PPP2R2B: variants seen among roughly 807,000 people sequenced by gnomAD.
PPP2R2B encodes protein phosphatase 2 regulatory subunit Bbeta.
In PPP2R2B, 5 loss-of-function variants were observed where a neutral mutation model predicts 46.0. The observed-to-expected ratio is 0.11, with a 90% CI of 0.06 to 0.23. PPP2R2B has a LOEUF of 0.23. Among genes scored for constraint, PPP2R2B ranks in the 10% least tolerant of loss-of-function variants. PPP2R2B has a pLI of 1.00. For synonymous variants in PPP2R2B, 215 were observed against 206.7 expected, an observed-to-expected ratio of 1.04 and a Z score of -0.34; for missense variants, 367 against 575.0, an observed-to-expected ratio of 0.64 and a Z score of 3.70.
At chr5:146,794,200 T>C (rs982227844) in intron 2 of PPP2R2B, among the ~76,000 whole-genome samples, 2 of 152,084 alleles carry the variant, frequency 1.3e-5, no homozygotes, top group Non-Finnish European at 2.9e-5. Flanking sequence ...CTTGAAAAAA[T>C]AGTTTGATAC....
chr5:146,922,788 T>TA (rs1763651853), intron 1 of PPP2R2B, among the ~76,000 whole-genome samples: 1 of 152,208 alleles, frequency 6.6e-6, no homozygotes, highest in African/African-American at 2.4e-5. Flanking sequence ...AGTGATCAGT[T>TA]AAAATCAGAA....
Position 147,078,322 on chromosome 5 carries a change from A to T in PPP2R2B, c.50+2737T>A, listed in dbSNP as rs534907764. 3.3e-5 allele frequency among the ~76,000 whole-genome samples: 5 copies of T among 152,262 alleles called. No homozygotes were observed. In the East Asian group the frequency reaches 5.8e-4, roughly 18 times the overall value. On this transcript the variant is annotated intron_variant, in intron 2 of 10. Coordinates refer to the PPP2R2B transcript ENST00000394413. ...AAATAATAAACCTGCAACTGGTAAG[A>T]CCTATAGTTAGAGCAGACACTAGAA...
chr5:146,990,915 G>A (rs930837647), intron 1 of PPP2R2B, among the ~76,000 whole-genome samples: 2 of 151,984 alleles, frequency 1.3e-5, no homozygotes, highest in Non-Finnish European at 2.9e-5. Flanking sequence ...CAAAAAACAT[G>A]AATAGACATT....
chr5:147,060,353 G>A (rs1236026048), upstream of PPP2R2B, among the ~76,000 whole-genome samples: 3 of 152,204 alleles, frequency 2.0e-5, no homozygotes, highest in African/African-American at 7.2e-5. Flanking sequence ...TCAGCCAGGT[G>A]TGGTGGCTCA....
At chr5:146,938,413 C>T (rs762884184) in intron 1 of PPP2R2B, among the ~76,000 whole-genome samples, 5 of 148,924 alleles carry the variant, frequency 3.4e-5, no homozygotes, top group Non-Finnish European at 5.9e-5. Flanking sequence ...GCAATTTGCC[C>T]AACAACCTAA....
At chr5:146,902,955 G>A (rs79114407) in intron 1 of PPP2R2B, among the ~76,000 whole-genome samples, 2,772 of 152,198 alleles carry the variant, frequency 0.018, 74 homozygotes, top group African/African-American at 0.06. Context: ...TTCATAATAC[G>A]AAGATGTTAT....
At chr5:146,671,426 T>G (rs3096088) in intron 5 of PPP2R2B, among the ~76,000 whole-genome samples, 143,286 of 152,226 alleles carry the variant, frequency 0.94, 67,797 homozygotes, top group East Asian at 1. Flanking sequence ...GGGATTCCTG[T>G]CTGGACACTG....
rs78329216 is a variant in PPP2R2B at position 147,033,851 on chromosome 5, G to A, written c.79+21814C>T. Among the ~76,000 whole-genome samples, 998 of 151,916 alleles carry A rather than the reference G, an allele frequency of 6.6e-3. 11 individuals carry two copies. Among genetic ancestry groups the A allele is most frequent in the African/African-American group, 0.023 (951 of 41,422 alleles). On this transcript the variant is annotated intron_variant, in intron 1 of 8. Coordinates refer to the PPP2R2B transcript ENST00000336640. ...AAGCCTCTGTCCTTTCTTGTCCACTGTGATAGCCTCTTATTGGTATTCTTG... is the reference window on the plus strand; with the variant it reads ...AAGCCTCTGTCCTTTCTTGTCCACTATGATAGCCTCTTATTGGTATTCTTG...
chr5:146,808,962 T>G (rs1165909866), intron 2 of PPP2R2B, among the ~76,000 whole-genome samples: 1 of 53,176 alleles, frequency 1.9e-5, no homozygotes, highest in African/African-American at 6.5e-5. Flanking sequence ...AACACTGGTG[T>G]GTGTGTGTGT....
intron 2 of PPP2R2B, among the ~76,000 whole-genome samples, chr5:146,728,579 T>C (rs1340130413): frequency 2.0e-5 from 3 of 152,128 alleles, no homozygotes; most frequent in Admixed American, 1.3e-4. Context: ...GGAAGTGATA[T>C]GGTTTGGCTG....
intron 2 of PPP2R2B, chr5:146,707,131 A>G (rs570805673): frequency 1.3e-6 from 2 of 1,597,120 alleles, no homozygotes; most frequent in Non-Finnish European, 1.7e-6. Context: ...CTCCGCCTCC[A>G]GCTTCAGCTT....
At chr5:146,720,197 C>T (rs6864506) in intron 2 of PPP2R2B, among the ~76,000 whole-genome samples, 2 of 152,176 alleles carry the variant, frequency 1.3e-5, no homozygotes, top group Non-Finnish European at 2.9e-5. Flanking sequence ...ATCCACACAA[C>T]GTTAGGTCAT....
At chr5:146,969,907 G>A (rs1209383129) in intron 1 of PPP2R2B, among the ~76,000 whole-genome samples, 2 of 152,210 alleles carry the variant, frequency 1.3e-5, no homozygotes, top group South Asian at 2.1e-4. Context: ...AGATATCCAC[G>A]AAGCAGTTGA....
chr5:147,008,531 T>C (rs1325034817), intron 1 of PPP2R2B, among the ~76,000 whole-genome samples: 1 of 152,188 alleles, frequency 6.6e-6, no homozygotes, highest in African/African-American at 2.4e-5. Context: ...CAACATACTC[T>C]GTGAACCTAC....
In PPP2R2B at chr5:147,003,654, C is replaced by A. The variant is rs973019193; in HGVS notation, c.79+52011G>T. On this transcript the variant is annotated intron_variant, in intron 1 of 8. Coordinates refer to the PPP2R2B transcript ENST00000336640. ...AAGGGACAAATTCTCTACCAGTCAGCAAGCCATCCCCAGTATGGATCCCCA... is the reference window on the plus strand; with the variant it reads ...AAGGGACAAATTCTCTACCAGTCAGAAAGCCATCCCCAGTATGGATCCCCA... Among the ~76,000 whole-genome samples, 8 of 152,282 alleles carry A rather than the reference C, an allele frequency of 5.3e-5. No homozygotes were observed. The South Asian group carries it at 1.4e-3, about 28-fold the overall frequency.
At chr5:146,954,750 GTA>G (rs1021828665) in intron 1 of PPP2R2B, among the ~76,000 whole-genome samples, 3 of 110,416 alleles carry the variant, frequency 2.7e-5, no homozygotes, top group African/African-American at 5.8e-5. Context: ...ATGAATATGT[GTA>G]TATATGTGTG....
At chr5:146,752,851 C>T (rs960033617) in intron 2 of PPP2R2B, among the ~76,000 whole-genome samples, 1 of 152,206 alleles carries the variant, frequency 6.6e-6, no homozygotes, top group Non-Finnish European at 1.5e-5. Flanking sequence ...CAGACTTTCA[C>T]TGTGCTAAAA....
intron 7 of PPP2R2B, among the ~76,000 whole-genome samples, chr5:146,636,434 G>T (rs1774828315): frequency 6.6e-6 from 1 of 152,168 alleles, no homozygotes; most frequent in South Asian, 2.1e-4. Flanking sequence ...TGAATTTTTA[G>T]AAAGAAAAAT....
At chr5:146,917,826 T>C (rs1179704086) in intron 1 of PPP2R2B, 1 of 152,222 alleles carries the variant, frequency 6.6e-6, no homozygotes, top group African/African-American at 2.4e-5. Context: ...TCCTCACCTT[T>C]TACTGAGTCC....
Sources: allele counts gnomAD v4.1 joint callset (sites outside exome capture counted in the v4.1 genomes callset), GRCh38; gene constraint gnomAD v4.1.1; transcripts MANE v1.5; gene names NCBI Gene and HGNC (gene_info 2026-07-23, HGNC 2026-07-21).